The following TAF4 variants were observed in gnomAD, a reference collection of about 807,000 sequenced individuals.
The protein encoded by TAF4 is TATA-box binding protein associated factor 4.
Under a neutral mutation model 90.3 loss-of-function variants are expected in TAF4, and 9 were observed. The observed-to-expected ratio is 0.10, with a 90% CI of 0.06 to 0.17. The LOEUF (loss-of-function observed/expected upper bound fraction) is 0.17, where lower values mean the gene tolerates loss of function less well. Ranked by LOEUF, TAF4 falls within the 10% of genes least tolerant of loss-of-function variation. The probability of loss-of-function intolerance (pLI) is 1.00; values close to 1 mark genes in which losing one functional copy is unlikely to be tolerated. For synonymous variants in TAF4, 818 were observed against 638.9 expected (o/e 1.28, Z -4.23); for missense variants, 1,351 against 1,370.7 (o/e 0.99, Z 0.23).
chr20:62,006,691 T>A lies in TAF4; in HGVS notation c.2042A>T (p.Gln681Leu), dbSNP rs1379651588. Residue 681 changes from glutamine (Q) to leucine (L), a missense_variant, in exon 7 of 15, where the codon CAG (glutamine) becomes CTG (leucine). Gln to Leu is a moderately radical substitution (Grantham distance 113, BLOSUM62 -2). Coordinates refer to ENST00000252996, the MANE Select transcript of TAF4 (RefSeq NM_003185.4). The surrounding 1 kb of genome is among the most constrained non-coding windows in gnomAD (Gnocchi z 7.0). ...SAAFIQQSQQQPPPPTSQATT... is the reference protein window; with the variant it reads ...SAAFIQQSQQLPPPPTSQATT... ...GGCCTGCGAGGTGGGCGGTGGCGGCTGCTGCTGGCTCTGCTGGATGAAGGC... is the reference window on the plus strand; with the variant it reads ...GGCCTGCGAGGTGGGCGGTGGCGGCAGCTGCTGGCTCTGCTGGATGAAGGC... 6 of 1,591,816 alleles carry A rather than the reference T, an allele frequency of 3.8e-6. No homozygotes were observed. The East Asian group carries it at 1.4e-4, about 36-fold the overall frequency.
chr20:62,064,191 G>A (rs1297393018), intron 1 of TAF4: 4 of 392,118 alleles, frequency 1.0e-5, no homozygotes, highest in Admixed American at 4.5e-5. Context: ...CTCCGAAACA[G>A]ACCAGCCCCA....
chr20:62,050,669 G>A (rs951902428), intron 1 of TAF4, among the ~76,000 whole-genome samples: 1 of 152,194 alleles, frequency 6.6e-6, no homozygotes, highest in African/African-American at 2.4e-5. Context: ...CGGAACAGCA[G>A]AGGCCCGCCC....
In TAF4 at chr20:62,065,178, G is replaced by C. The variant is rs1377699101; in HGVS notation, c.633C>G (p.Ala211=). The change falls in exon 1 of 15, where the codon GCC becomes GCG. Residue 211 remains alanine, a synonymous_variant. Transcript: ENST00000252996. ...SAALLNSHHA[A]APAVSLVNNG... ...TGTTGACCAGGCTGACAGCAGGTGCGGCGGCGTGGTGCGAGTTCAGCAGCG... is the reference window on the plus strand; with the variant it reads ...TGTTGACCAGGCTGACAGCAGGTGCCGCGGCGTGGTGCGAGTTCAGCAGCG... 3 of 1,212,496 alleles carry C rather than the reference G, an allele frequency of 2.5e-6. No homozygotes were observed. The highest frequency in any genetic ancestry group is 1.7e-4 in the East Asian group (2 of 12,116). 75.1% of individuals were successfully genotyped at this position (1,212,496 alleles called of 1,614,324 possible). A position where few individuals can be genotyped will look rare whatever the true frequency, so the allele number is the denominator to read the frequency against.
intron 4 of TAF4, among the ~76,000 whole-genome samples, 158 bp downstream of exon 4, chr20:62,009,887 GC>G (rs2055768308): frequency 6.6e-6 from 1 of 152,154 alleles, no homozygotes; most frequent in Admixed American, 6.5e-5. Flanking sequence ...CAGCAGCAGA[GC>G]CCCACGTGCT....
intron 14 of TAF4, among the ~76,000 whole-genome samples, chr20:61,994,955 G>C (rs1310684131): frequency 1.3e-5 from 2 of 152,186 alleles, no homozygotes; most frequent in Admixed American, 1.3e-4. Flanking sequence ...AAAGCCTAAA[G>C]CCAAACCCAG....
chr20:62,048,774 G>A (rs375771714), intron 1 of TAF4, among the ~76,000 whole-genome samples: 4 of 133,988 alleles, frequency 3.0e-5, no homozygotes, highest in African/African-American at 8.6e-5. Flanking sequence ...TCCTCCTGCA[G>A]CCCTCTCCCC....
intron 1 of TAF4, among the ~76,000 whole-genome samples, chr20:62,028,442 T>C (rs2055886130): frequency 1.3e-5 from 2 of 152,094 alleles, no homozygotes; most frequent in African/African-American, 2.4e-5. Context: ...AGATACGGCA[T>C]TGACAGGACA....
At chr20:61,988,396 A>G (rs1193348444) in intron 14 of TAF4, among the ~76,000 whole-genome samples, 1 of 152,232 alleles carries the variant, frequency 6.6e-6, no homozygotes, top group East Asian at 1.9e-4. Context: ...TTAAAGTTAA[A>G]TTAAGGGAAA....
In TAF4 at chr20:61,976,056, TA is replaced by T. The variant is rs930197874; in HGVS notation, c.*111del. ...AAGAGCTGATTTAGAAACAGGAATA[TA>T]AAACTGTTCCATTGTAAAGAGGTGG... On this transcript the variant is annotated 3_prime_UTR_variant, in exon 15 of 15. Transcript: ENST00000252996. 1.4e-5 allele frequency: 17 copies of T among 1,182,076 alleles called. No homozygotes were observed. Among genetic ancestry groups the T allele is most frequent in the Non-Finnish European group, 2.1e-5 (17 of 822,606 alleles). The allele number at this position is 1,182,076 out of a possible 1,614,324, so 73.2% of individuals were successfully genotyped here.
Position 61,995,441 on chromosome 20 carries a change from A to C in TAF4, c.3090+2109T>G, listed in dbSNP as rs189485872. ...GTAGACACATCAGTAGACATCTTCC[A>C]GTCTGGAAAACAAAGAGAAGACAGA... On this transcript the variant is annotated intron_variant, in intron 14 of 14. Coordinates refer to ENST00000252996, the MANE Select transcript of TAF4 (RefSeq NM_003185.4). Among the ~76,000 whole-genome samples, 25 of 152,372 alleles carry C rather than the reference A, an allele frequency of 1.6e-4. No homozygotes were observed. The East Asian group carries it at 4.6e-3, about 28-fold the overall frequency.
chr20:62,003,334 T>A, intron 8 of TAF4, 60 bp from the exon 9 acceptor site: 1 of 1,415,186 alleles, frequency 7.1e-7, no homozygotes, highest in South Asian at 1.2e-5. Flanking sequence ...ACTATGTGCT[T>A]TGGTGCTTTA....
At chr20:62,029,428 C>T (rs1342220708) in intron 1 of TAF4, among the ~76,000 whole-genome samples, 4 of 152,092 alleles carry the variant, frequency 2.6e-5, no homozygotes, top group Non-Finnish European at 5.9e-5. Flanking sequence ...AGAAGCCCTT[C>T]GAAGGGAGCC....
Position 62,006,498 on chromosome 20 carries a change from C to T in TAF4, c.2223+12G>A, listed in dbSNP as rs748533290. 6 of 1,498,706 alleles carry T rather than the reference C, an allele frequency of 4.0e-6. No individual in the cohort carries two copies. Among genetic ancestry groups the T allele is most frequent in the South Asian group, 1.3e-5 (1 of 77,878 alleles). The allele number at this position is 1,498,706 out of a possible 1,614,324, so 92.8% of individuals were successfully genotyped here. The stretch of plus-strand genomic sequence containing the variant: ...GTGGGCTGTGCAGACCAGTCAGGCG[C>T]CCCTTCCATACCAGCGGTGTGGGTT... On this transcript the variant is annotated intron_variant, in intron 7 of 14. Coordinates refer to ENST00000252996, the MANE Select transcript of TAF4 (RefSeq NM_003185.4). This position sits in a 1 kb window ranked among gnomAD's most constrained non-coding sequence, Gnocchi z 7.0.
At chr20:62,045,721 C>A (rs1600859397) in intron 1 of TAF4, among the ~76,000 whole-genome samples, 1 of 152,126 alleles carries the variant, frequency 6.6e-6, no homozygotes, top group Admixed American at 6.6e-5. Context: ...AAAGGGTGAA[C>A]GCTGAGGAGA....
At chr20:62,023,747 CAAAAAAAAAAA>C (rs59813943) in intron 1 of TAF4, among the ~76,000 whole-genome samples, 1 of 59,566 alleles carries the variant, frequency 1.7e-5, no homozygotes, top group Admixed American at 2.7e-4. Context: ...GACTCCATCT[CAAAAAAAAAAA>C]AAAAAAAAAA....
chr20:62,064,482 C>G lies in TAF4; in HGVS notation c.1329G>C (p.Pro443=). 6.7e-7 allele frequency: 1 copy of G among 1,500,090 alleles called. No individual in the cohort carries two copies. The highest frequency in any genetic ancestry group is 8.9e-7 in the Non-Finnish European group (1 of 1,124,246). 92.9% of individuals were successfully genotyped at this position (1,500,090 alleles called of 1,614,324 possible). A position where few individuals can be genotyped will look rare whatever the true frequency, so the allele number is the denominator to read the frequency against. Residue 443 remains proline, a synonymous_variant, in exon 1 of 15, where the codon CCG becomes CCC. Coordinates refer to ENST00000252996, the MANE Select transcript of TAF4 (RefSeq NM_003185.4). The part of the protein sequence containing the change: ...APRLPQPPQN[P]TNIQNFQLPP... Reference sequence around the variant, plus strand: ...GCAGCTGGAAGTTCTGGATGTTGGTCGGGTTCTGAGGCGGCTGCGGCAAGC... The same window carrying G: ...GCAGCTGGAAGTTCTGGATGTTGGTGGGGTTCTGAGGCGGCTGCGGCAAGC...
chr20:62,020,329 T>C (rs1283397580), intron 1 of TAF4, among the ~76,000 whole-genome samples: 2 of 152,206 alleles, frequency 1.3e-5, no homozygotes, highest in Non-Finnish European at 2.9e-5. Context: ...GCTCTCCTCC[T>C]GAGGCTACAG....
intron 1 of TAF4, among the ~76,000 whole-genome samples, chr20:62,031,908 G>A (rs2055906641): frequency 1.3e-5 from 2 of 152,006 alleles, no homozygotes; most frequent in African/African-American, 2.4e-5. Flanking sequence ...CAGCAACACC[G>A]AGACACGGAA....
At chr20:62,064,188 A>G (rs948166102) in intron 1 of TAF4, 1 of 388,424 alleles carries the variant, frequency 2.6e-6, no homozygotes, top group Non-Finnish European at 4.5e-6. Flanking sequence ...CCACTCCGAA[A>G]CAGACCAGCC....
Sources: allele counts gnomAD v4.1 joint callset (sites outside exome capture counted in the v4.1 genomes callset), GRCh38; gene constraint gnomAD v4.1.1; non-coding constraint Gnocchi (gnomAD v3.1); transcripts MANE v1.5; gene names NCBI Gene and HGNC (gene_info 2026-07-23, HGNC 2026-07-21).